LTBP3: variants seen among roughly 807,000 people sequenced by gnomAD.
The protein encoded by LTBP3 is latent transforming growth factor beta binding protein 3, also known as latent-transforming growth factor beta-binding protein 3.
In LTBP3, 97 loss-of-function variants were observed where a neutral mutation model predicts 159.7. That is an observed-to-expected ratio of 0.61 (90% CI 0.52 to 0.72). The LOEUF is 0.72. Ranked by LOEUF, LTBP3 falls within the 30% of genes least tolerant of loss-of-function variation. The pLI, the probability that LTBP3 is intolerant of heterozygous loss-of-function variation, is 0.00. For synonymous variants in LTBP3, 824 were observed against 777.1 expected, an observed-to-expected ratio of 1.06 and a Z score of -1.00; for missense variants, 1,584 against 1,864.3, an observed-to-expected ratio of 0.85 and a Z score of 2.77.
At position 65,539,237 on chromosome 11, in the gene LTBP3, G is replaced by C. The variant is rs1266000767; in HGVS notation, c.3761-6C>G. The C allele has an allele frequency of 6.6e-7, 1 of 1,526,292 alleles. No individual in the cohort carries two copies. Among genetic ancestry groups the C allele is most frequent in the South Asian group, 1.2e-5 (1 of 83,296 alleles). 94.5% of individuals were successfully genotyped at this position (1,526,292 alleles called of 1,614,324 possible). On this transcript the variant is annotated splice_region_variant and splice_polypyrimidine_tract_variant and intron_variant, in intron 27 of 27. Transcript: ENST00000301873. ...CTCTCGGCACTCGTCGATATCTGAA[G>C]GTGAGGGCGACAGGTGCGGCTTCGC... is the stretch of plus-strand genomic sequence containing the variant.
rs1283065959 is a variant in LTBP3, at chr11:65,541,223, T to G, written c.2796A>C (p.Val932=). ...CCTGCTGGGTCACGTTGGTGGCCAA[T>G]ACGCTGTCGCAGAACACTGTGTCAT... is the stretch of plus-strand genomic sequence containing the variant. ...NFDDTVFCDS[V]LATNVTQQEC... Residue 932 remains valine, a synonymous_variant, in exon 20 of 28, where the codon GTA becomes GTC. Coordinates refer to ENST00000301873, the MANE Select transcript of LTBP3 (RefSeq NM_001130144.3). The G allele has an allele frequency of 6.2e-7, 1 of 1,613,824 alleles. No individual in the cohort carries two copies. Among genetic ancestry groups the G allele is most frequent in the Non-Finnish European group, 8.5e-7 (1 of 1,180,000 alleles).
chr11:65,557,619 C>T lies in LTBP3; in HGVS notation c.331+10G>A, dbSNP rs199896239. ...CTTCCCCTGCCCCCAGCCGTGCCCC[C>T]GGCCCTCACCCACGCGGAAGCCGGA... On this transcript the variant is annotated intron_variant, in intron 1 of 27. Coordinates refer to ENST00000301873, the MANE Select transcript of LTBP3 (RefSeq NM_001130144.3). The T allele has an allele frequency of 7.5e-5, 120 of 1,608,158 alleles. No homozygotes were observed. The East Asian group carries it at 2.4e-3, about 33-fold the overall frequency.
chr11:65,553,794 C>T lies in LTBP3; in HGVS notation c.771G>A (p.Gln257=), dbSNP rs1444237780. The change falls in exon 3 of 28, where the codon CAG becomes CAA. Residue 257 remains glutamine, a synonymous_variant. Transcript: ENST00000301873. This position sits in a 1 kb window ranked among gnomAD's most constrained non-coding sequence, Gnocchi z 6.5. ...SSNAESAAPS[Q]HLLPHPKPSH... is the part of the protein sequence containing the mutation. ...AGGGCTTGGGGTGCGGCAGCAGGTGCTGGGAGGGGGCTGCGCTCTCGGCGT... is the reference window on the plus strand; with the variant it reads ...AGGGCTTGGGGTGCGGCAGCAGGTGTTGGGAGGGGGCTGCGCTCTCGGCGT... 1 of 1,565,030 alleles carries T rather than the reference C, an allele frequency of 6.4e-7. No homozygotes were observed. The highest frequency in any genetic ancestry group is 8.6e-7 in the Non-Finnish European group (1 of 1,163,112).
chr11:65,554,688 C>T lies in LTBP3; in HGVS notation c.332-308G>A, dbSNP rs1856744027. Among the ~76,000 whole-genome samples, 1 of 152,100 alleles carries T rather than the reference C, an allele frequency of 6.6e-6. No individual in the cohort carries two copies. The highest frequency in any genetic ancestry group is 1.9e-4 in the East Asian group (1 of 5,196). ...ATGTGTGGGTTAGATGAGGTAAGGG[C>T]TGTACAAATGCTTACCCCAGGGCCT... On this transcript the variant is annotated intron_variant, in intron 1 of 27. Transcript: ENST00000301873. The surrounding 1 kb of genome is among the most constrained non-coding windows in gnomAD (Gnocchi z 5.3).
In LTBP3 at chr11:65,554,281, G is replaced by A. The variant is rs746544643; in HGVS notation, c.431C>T (p.Ala144Val). The stretch of plus-strand genomic sequence containing the variant: ...GCCGGTACCCCCACCGGCTCCTCCT[G>A]CGGGCACCTGGCAGAAGCGCCCAGT... ...DFTGRFCQVP[A>V]GGAGGGTGGS... The change falls in exon 2 of 28, where the codon GCA (alanine) becomes GTA (valine). Residue 144 changes from alanine to valine, a missense_variant. Coordinates refer to ENST00000301873, the MANE Select transcript of LTBP3 (RefSeq NM_001130144.3). This position sits in a 1 kb window ranked among gnomAD's most constrained non-coding sequence, Gnocchi z 5.3. 7 of 1,611,254 alleles carry A rather than the reference G, an allele frequency of 4.3e-6. No individual in the cohort carries two copies. The highest frequency in any genetic ancestry group is 3.4e-6 in the Non-Finnish European group (4 of 1,179,400).
chr11:65,543,382 G>C (rs1476413045), intron 17 of LTBP3, 45 bp downstream of exon 17: 1 of 1,613,102 alleles, frequency 6.2e-7, no homozygotes, highest in Non-Finnish European at 8.5e-7. Flanking sequence ...GGGGGTCCTG[G>C]GGTAGGGAGG....
At position 65,547,787 on chromosome 11, in the gene LTBP3, C is replaced by T. The variant is rs1374880342; in HGVS notation, c.1881G>A (p.Pro627=). 8 of 1,612,786 alleles carry T rather than the reference C, an allele frequency of 5.0e-6. No individual in the cohort carries two copies. Among genetic ancestry groups the T allele is most frequent in the South Asian group, 1.1e-5 (1 of 91,076 alleles). ...VNECEAEPCG[P]GRGICMNTGG... is the part of the protein sequence containing the mutation. ...CGGTGTTCATGCAGATGCCCCTCCC[C>T]GGGCCACAGGGCTCTGCCTCGCACT... is the stretch of plus-strand genomic sequence containing the variant. The change falls in exon 13 of 28, where the codon CCG becomes CCA. Residue 627 remains proline, a synonymous_variant. Transcript: ENST00000301873. The surrounding 1 kb of genome is among the most constrained non-coding windows in gnomAD (Gnocchi z 4.6).
At position 65,552,422 on chromosome 11, in the gene LTBP3, G is replaced by T. The variant is rs764686952; in HGVS notation, c.1187-16C>A. ...GGTTTGTCTGCTGCAGGGGCCAGTG[G>T]GGGGCATGGGCATCTGAGCCTGCAC... On this transcript the variant is annotated splice_polypyrimidine_tract_variant and intron_variant, in intron 6 of 27. Transcript: ENST00000301873. This position sits in a 1 kb window ranked among gnomAD's most constrained non-coding sequence, Gnocchi z 6.0. 3 of 1,611,214 alleles carry T rather than the reference G, an allele frequency of 1.9e-6. No homozygotes were observed. Among genetic ancestry groups the T allele is most frequent in the Non-Finnish European group, 2.5e-6 (3 of 1,179,932 alleles).
In LTBP3 at chr11:65,540,311, A is replaced by G. The variant is rs1448227481; in HGVS notation, c.3178T>C (p.Cys1060Arg). 3.2e-6 allele frequency: 5 copies of G among 1,568,916 alleles called. No individual in the cohort carries two copies. In the South Asian group the frequency reaches 5.8e-5, roughly 18 times the overall value. ...TACTCGGCAGGGGGCGTGCAGGCAC[A>G]GCGGTAGCCGCCGCGCGTGTTCTCA... ...VCENTRGGYR[C>R]ACTPPAEYSP... Residue 1060 changes from cysteine to arginine, a missense_variant, in exon 23 of 28, where the codon TGT becomes CGT. This residue lies in a region of LTBP3 where 514 missense variants were observed against 530.3 expected (regional missense o/e 0.97). Coordinates refer to ENST00000301873, the MANE Select transcript of LTBP3 (RefSeq NM_001130144.3).
chr11:65,542,931 AGGAT>A lies in LTBP3; in HGVS notation c.2596+170_2596+173del, dbSNP rs140563368. 24,852 of 815,368 alleles carry A rather than the reference AGGAT, an allele frequency of 0.03. 554 individuals are homozygous for A. The highest frequency in any genetic ancestry group is 0.064 in the African/African-American group (3,494 of 54,964). 50.5% of individuals were successfully genotyped at this position (815,368 alleles called of 1,614,324 possible). A position where few individuals can be genotyped will look rare whatever the true frequency, so the allele number is the denominator to read the frequency against. On this transcript the variant is annotated intron_variant, in intron 18 of 27. Transcript: ENST00000301873. The stretch of plus-strand genomic sequence containing the variant: ...ATGAATGGAAGGATGGATGGATAGA[AGGAT>A]GGATGGATGGATGGATGGATGGATG...
intron 1 of LTBP3, among the ~76,000 whole-genome samples, chr11:65,556,371 CA>C (rs1194303706): frequency 3.9e-5 from 6 of 152,176 alleles, no homozygotes; most frequent in African/African-American, 1.4e-4. Flanking sequence ...CTACTAAATA[CA>C]AAAAAATTGG....
rs1335536421 is a variant in LTBP3 at position 65,539,001 on chromosome 11, T to G, written c.*79A>C. The G allele has an allele frequency of 7.6e-7, 1 of 1,314,584 alleles. No homozygotes were observed. The highest frequency in any genetic ancestry group is 3.2e-5 in the East Asian group (1 of 31,670). 81.4% of individuals were successfully genotyped at this position (1,314,584 alleles called of 1,614,324 possible). ...AAGGTCCCTGGGTCCGAGCCACAAG[T>G]CGGGGCAGAAGTGAGGCCGAGCTCG... On this transcript the variant is annotated 3_prime_UTR_variant, in exon 28 of 28. Coordinates refer to ENST00000301873, the MANE Select transcript of LTBP3 (RefSeq NM_001130144.3).
intron 1 of LTBP3, 110 bp downstream of exon 1, chr11:65,557,519 T>C: frequency 6.7e-7 from 1 of 1,489,092 alleles, no homozygotes; most frequent in South Asian, 1.2e-5. Context: ...CTCGGATCTC[T>C]GCCCTTTATA....
chr11:65,547,049 C>A lies in LTBP3; in HGVS notation c.2108-129G>T, dbSNP rs1397376964. The A allele has an allele frequency of 4.4e-6, 6 of 1,364,720 alleles. No individual in the cohort carries two copies. Among genetic ancestry groups the A allele is most frequent in the Non-Finnish European group, 6.0e-6 (6 of 997,398 alleles). The allele number at this position is 1,364,720 out of a possible 1,614,324, so 84.5% of individuals were successfully genotyped here. On this transcript the variant is annotated intron_variant, in intron 14 of 27. Coordinates refer to ENST00000301873, the MANE Select transcript of LTBP3 (RefSeq NM_001130144.3). The surrounding 1 kb of genome is among the most constrained non-coding windows in gnomAD (Gnocchi z 4.6). ...TCCCGGACCCCAACCTCTGAGAGGCCCAGAGCCGAGCATACAGGCCGGGTG... is the reference window on the plus strand; with the variant it reads ...TCCCGGACCCCAACCTCTGAGAGGCACAGAGCCGAGCATACAGGCCGGGTG...
chr11:65,542,915 A>AGGATGGATGGATAGAAGGATGGAT (rs1856203709), intron 18 of LTBP3, 190 bp downstream of exon 18: 1 of 787,330 alleles, frequency 1.3e-6, no homozygotes, highest in Non-Finnish European at 2.1e-6. Context: ...GATGAATGGA[A>AGGATGGATGGATAGAAGGATGGAT]GGATGGATGG....
At chr11:65,543,629 G>C in intron 16 of LTBP3, 80 bp from the exon 17 acceptor site, 1 of 1,576,940 alleles carries the variant, frequency 6.3e-7, no homozygotes, top group South Asian at 1.1e-5. Context: ...TCTGCGCATG[G>C]CCTGGAGCAC....
At chr11:65,550,632 T>A (rs1307132616) in intron 11 of LTBP3, among the ~76,000 whole-genome samples, 1 of 144,490 alleles carries the variant, frequency 6.9e-6, no homozygotes, top group Non-Finnish European at 1.5e-5. Flanking sequence ...GAGACCACCC[T>A]GGCCAACATG....
chr11:65,549,740 A>G (rs1334522791), intron 11 of LTBP3, among the ~76,000 whole-genome samples: 1 of 133,274 alleles, frequency 7.5e-6, no homozygotes, highest in African/African-American at 2.8e-5. Flanking sequence ...TTTTCACAGG[A>G]AAACTCCCCA....
rs1590761295 is a variant in LTBP3 at position 65,540,960 on chromosome 11, G to A, written c.2894-6C>T. The A allele has an allele frequency of 3.1e-6, 5 of 1,612,576 alleles. No homozygotes were observed. Among genetic ancestry groups the A allele is most frequent in the Non-Finnish European group, 4.2e-6 (5 of 1,179,388 alleles). On this transcript the variant is annotated splice_region_variant and splice_polypyrimidine_tract_variant and intron_variant, in intron 20 of 27. Transcript: ENST00000301873. ...GCAGAGGCTGTGGAACTCGGCTGCA[G>A]GGGCAGGGCGGCCGTGGGGAGGGAA...
Sources: allele counts gnomAD v4.1 joint callset (sites outside exome capture counted in the v4.1 genomes callset), GRCh38; gene constraint gnomAD v4.1.1; regional missense constraint gnomAD v4.1.1; non-coding constraint Gnocchi (gnomAD v3.1); transcripts MANE v1.5; gene names NCBI Gene and HGNC (gene_info 2026-07-23, HGNC 2026-07-21).